MTA3: variants seen among roughly 807,000 people sequenced by gnomAD.
The protein encoded by MTA3 is metastasis associated 1 family member 3.
MTA3 carries 34 observed loss-of-function variants against 83.5 expected under a neutral mutation model. The observed-to-expected ratio is 0.41, with a 90% confidence interval of 0.31 to 0.54. The LOEUF (loss-of-function observed/expected upper bound fraction) is 0.54, where lower values mean the gene tolerates loss of function less well. MTA3 is among the 20% of genes least tolerant of loss of function. MTA3 has a pLI of 0.33. For missense variants in MTA3, 761 were observed against 726.4 expected (o/e 1.05, Z -0.55); for synonymous variants, 303 against 252.7 (o/e 1.20, Z -1.89).
At chr2:42,687,559 C>T (rs527345421) in intron 9 of MTA3, among the ~76,000 whole-genome samples, 2 of 152,144 alleles carry the variant, frequency 1.3e-5, no homozygotes, top group Non-Finnish European at 2.9e-5. Flanking sequence ...TTTTGTTTCT[C>T]TTGGGAAATA....
upstream of MTA3, among the ~76,000 whole-genome samples, chr2:42,567,319 AT>A (rs1178313706): frequency 6.6e-6 from 1 of 152,130 alleles, no homozygotes; most frequent in East Asian, 1.9e-4. Flanking sequence ...ATAGTGCTTT[AT>A]TTTTTATTTT....
At chr2:42,551,542 T>A (rs1383000145) in intron 2 of MTA3, among the ~76,000 whole-genome samples, 4 of 151,966 alleles carry the variant, frequency 2.6e-5, no homozygotes, top group African/African-American at 9.7e-5. Flanking sequence ...GAGACTGCAG[T>A]ACATAAAACA....
intron 11 of MTA3, among the ~76,000 whole-genome samples, chr2:42,701,923 T>A (rs933801012): frequency 1.4e-5 from 2 of 138,702 alleles, no homozygotes; most frequent in African/African-American, 5.5e-5. Flanking sequence ...TCAAAAAAAA[T>A]AAATAGGCTG....
intron 16 of MTA3, among the ~76,000 whole-genome samples, chr2:42,730,493 G>A (rs1241815684): frequency 6.6e-6 from 1 of 152,122 alleles, no homozygotes; most frequent in East Asian, 1.9e-4. Flanking sequence ...TTGTCTTTCA[G>A]TTGATGTGAT....
At chr2:42,681,813 G>A (rs1244249899) in intron 8 of MTA3, among the ~76,000 whole-genome samples, 3 of 151,288 alleles carry the variant, frequency 2.0e-5, no homozygotes, top group African/African-American at 7.3e-5. Context: ...GTGTGGCCTG[G>A]CTAGACTTTC....
chr2:42,609,960 CGTGGT>C (rs1683986040), intron 4 of MTA3, among the ~76,000 whole-genome samples: 1 of 152,038 alleles, frequency 6.6e-6, no homozygotes, highest in Non-Finnish European at 1.5e-5. Context: ...ATTAGCTGGG[CGTGGT>C]GGTATGCACC....
intron 2 of MTA3, among the ~76,000 whole-genome samples, chr2:42,500,849 C>T (rs1674363597): frequency 6.8e-6 from 1 of 147,716 alleles, no homozygotes; most frequent in African/African-American, 2.5e-5. Flanking sequence ...CTCACACTCT[C>T]GCCCAGGCTG....
chr2:42,517,119 G>T (rs926859772), intron 2 of MTA3, among the ~76,000 whole-genome samples: 3 of 152,020 alleles, frequency 2.0e-5, no homozygotes, highest in South Asian at 4.1e-4. Flanking sequence ...AATAAACCGG[G>T]TGTGGTGGTG....
At chr2:42,529,573 T>A (rs1261179129) in intron 2 of MTA3, among the ~76,000 whole-genome samples, 1 of 152,222 alleles carries the variant, frequency 6.6e-6, no homozygotes, top group African/African-American at 2.4e-5. Context: ...GCACCAAGCA[T>A]AACCTCACTC....
rs1689992166 is a variant in MTA3 at position 42,664,055 on chromosome 2, T to C, written c.702+4193T>C. On this transcript the variant is annotated intron_variant, in intron 8 of 16. Coordinates refer to ENST00000405094, the MANE Select transcript of MTA3 (RefSeq NM_001330442.2). Reference sequence around the variant, plus strand: ...GCACTTGATTCCTCCTGAGTAGTTATCTCTCCTCTGTCAGATTACCTCTTC... The same window carrying C: ...GCACTTGATTCCTCCTGAGTAGTTACCTCTCCTCTGTCAGATTACCTCTTC... 2.0e-5 allele frequency among the ~76,000 whole-genome samples: 3 copies of C among 152,200 alleles called. No individual in the cohort carries two copies. The South Asian group carries it at 6.2e-4, about 32-fold the overall frequency.
At position 42,679,413 on chromosome 2, in the gene MTA3, G is replaced by T. The variant is rs766886358; in HGVS notation, c.703-2988G>T. On this transcript the variant is annotated intron_variant, in intron 8 of 16. Transcript: ENST00000405094. The stretch of plus-strand genomic sequence containing the variant: ...GCTATCATTAAGCAAATTGAAAACC[G>T]CACAGAAAGGCCAATGTGCAACTAG... 5.3e-5 allele frequency among the ~76,000 whole-genome samples: 8 copies of T among 152,112 alleles called. No individual in the cohort carries two copies. In the South Asian group the frequency reaches 8.3e-4, roughly 16 times the overall value.
rs546881384 is a variant in MTA3, at chr2:42,745,510, G to A, written c.1760-7864G>A. Among the ~76,000 whole-genome samples the A allele has an allele frequency of 2.0e-5, 3 of 152,102 alleles. No homozygotes were observed. The South Asian group carries it at 6.2e-4, about 32-fold the overall frequency. On this transcript the variant is annotated intron_variant, in intron 16 of 16. Transcript: ENST00000405094. ...TCTCTGTCTTTTTATTCTACTTTCT[G>A]GGAGACTTTCTCAACCTTTTTAAAA...
chr2:42,525,534 CCCTTCCTTCA>C (rs1199064450), intron 2 of MTA3, among the ~76,000 whole-genome samples: 1 of 143,262 alleles, frequency 7.0e-6, no homozygotes, highest in Admixed American at 7.1e-5. Context: ...TCCTTCCTTC[CCCTTCCTTCA>C]TTCCTTCCCC....
At position 42,666,161 on chromosome 2, in the gene MTA3, C is replaced by T. The variant is rs933775658; in HGVS notation, c.702+6299C>T. 2.0e-5 allele frequency among the ~76,000 whole-genome samples: 3 copies of T among 152,114 alleles called. No individual in the cohort carries two copies. In the South Asian group the frequency reaches 6.2e-4, roughly 32 times the overall value. ...GTGTGGTGGCACGCACCTGTAGTCC[C>T]AGCTACTCGGGAGGCTGAGGCAGGA... On this transcript the variant is annotated intron_variant, in intron 8 of 16. Transcript: ENST00000405094.
At chr2:42,696,571 G>A (rs1438712565) in intron 10 of MTA3, among the ~76,000 whole-genome samples, 2 of 152,160 alleles carry the variant, frequency 1.3e-5, no homozygotes, top group Admixed American at 6.5e-5. Flanking sequence ...ACAGTGGCAA[G>A]TATTAGATGC....
At chr2:42,618,386 A>G (rs530931448) in intron 4 of MTA3, among the ~76,000 whole-genome samples, 19 of 152,268 alleles carry the variant, frequency 1.2e-4, no homozygotes, top group Admixed American at 3.9e-4. Flanking sequence ...AATTCTGTCA[A>G]TTTCCTCCCG....
At chr2:42,751,141 A>G (rs577320522) in intron 16 of MTA3, among the ~76,000 whole-genome samples, 29 of 152,372 alleles carry the variant, frequency 1.9e-4, no homozygotes, top group Middle Eastern at 3.4e-3. Flanking sequence ...GCCACCAGCT[A>G]GCTGGCTGGA....
chr2:42,521,422 T>C (rs1675424746), intron 2 of MTA3, among the ~76,000 whole-genome samples: 1 of 152,128 alleles, frequency 6.6e-6, no homozygotes, highest in African/African-American at 2.4e-5. Flanking sequence ...TGCACCCAGA[T>C]TCCTAACCAT....
At chr2:42,664,335 A>G (rs1690016078) in intron 8 of MTA3, among the ~76,000 whole-genome samples, 1 of 152,164 alleles carries the variant, frequency 6.6e-6, no homozygotes, top group Admixed American at 6.5e-5. Flanking sequence ...TTTCCCAAAA[A>G]GAACATATGA....
Sources: gnomAD v4.1 joint callset for allele counts (sites outside exome capture counted in the v4.1 genomes callset) on GRCh38, gnomAD v4.1.1 for gene constraint, MANE v1.5 for transcripts, NCBI Gene and HGNC (gene_info 2026-07-23, HGNC 2026-07-21) for gene names.